Variants in DONSON observed in about 807,000 individuals in gnomAD.
DONSON encodes the protein DNA replication fork stabilization factor DONSON.
In DONSON, 43 loss-of-function variants were observed where a neutral mutation model predicts 62.1. The ratio of observed to expected loss-of-function variants is 0.69; its 90% CI spans 0.54 to 0.89. The LOEUF (loss-of-function observed/expected upper bound fraction) is 0.89, where lower values mean the gene tolerates loss of function less well. Among genes scored for constraint, DONSON ranks in the 40% least tolerant of loss-of-function variants. The pLI is 0.00. For synonymous variants in DONSON, 266 were observed against 264.6 expected (o/e 1.01, Z -0.05); for missense variants, 696 against 697.5 (o/e 1.00, Z 0.03).
chr21:33,582,608 A>G (rs2086526171), intron 5 of DONSON, among the ~76,000 whole-genome samples: 1 of 152,186 alleles, frequency 6.6e-6, no homozygotes, highest in African/African-American at 2.4e-5. Flanking sequence ...AATTTCTAGA[A>G]GAGTATATTC....
rs1569072538 is a variant in DONSON at position 33,577,601 on chromosome 21, CCCTACACACACACACACACA to C, written c.*686_*705del. Reference sequence around the variant, plus strand: ...TAAAAATGTGAATTATACAGTCCCCCCCTACACACACACACACACACACACACACACACACACACACACAC... The same window carrying C: ...TAAAAATGTGAATTATACAGTCCCCCCACACACACACACACACACACACAC... On this transcript the variant is annotated 3_prime_UTR_variant, in exon 10 of 10. Coordinates refer to ENST00000303071, the MANE Select transcript of DONSON (RefSeq NM_017613.4). 2 of 111,750 alleles carry C rather than the reference CCCTACACACACACACACACA, an allele frequency of 1.8e-5. No homozygotes were observed. Among genetic ancestry groups the C allele is most frequent in the African/African-American group, 6.8e-5 (2 of 29,310 alleles). 6.9% of individuals were successfully genotyped at this position (111,750 alleles called of 1,614,324 possible). A position where few individuals can be genotyped will look rare whatever the true frequency, so the allele number is the denominator to read the frequency against.
Position 33,584,764 on chromosome 21 carries a change from G to A in DONSON, c.611C>T (p.Pro204Leu). 1 of 1,523,240 alleles carries A rather than the reference G, an allele frequency of 6.6e-7. No individual in the cohort carries two copies. Among genetic ancestry groups the A allele is most frequent in the Non-Finnish European group, 8.9e-7 (1 of 1,129,058 alleles). 94.4% of individuals were successfully genotyped at this position (1,523,240 alleles called of 1,614,324 possible). ...EVTLPKSIQD[P>L]KLSSELRCTF... is the part of the protein sequence containing the mutation. ...ACAACGGAGCTCAGAGGAGAGTTTG[G>A]GATCCTAAAATCCAAAGGTGACAGT... Residue 204 changes from proline (P) to leucine (L), a missense_variant, in exon 4 of 10, where the codon CCC becomes CTC. Transcript: ENST00000303071.
Position 33,588,593 on chromosome 21 carries a change from C to G in DONSON, c.49G>C (p.Glu17Gln), listed in dbSNP as rs964516394. ...GYSPGFRKPP[E>Q]VVRLRRKRAR... Reference sequence around the variant, plus strand: ...CTTTTCCGTCGGAGCCGCACTACCTCGGGCGGCTTTCGGAAGCCCGGTGAG... The same window carrying G: ...CTTTTCCGTCGGAGCCGCACTACCTGGGGCGGCTTTCGGAAGCCCGGTGAG... Residue 17 changes from glutamate (E) to glutamine (Q), a missense_variant, in exon 1 of 10, where the codon GAG becomes CAG. Physicochemically the swap from Glu to Gln is conservative, Grantham distance 29. Transcript: ENST00000303071. 2 of 1,251,476 alleles carry G rather than the reference C, an allele frequency of 1.6e-6. No homozygotes were observed. The highest frequency in any genetic ancestry group is 1.6e-5 in the African/African-American group (1 of 64,284). The allele number at this position is 1,251,476 out of a possible 1,614,324, so 77.5% of individuals were successfully genotyped here. A position where few individuals can be genotyped will look rare whatever the true frequency, so the allele number is the denominator to read the frequency against.
rs777151815 is a variant in DONSON at position 33,584,570 on chromosome 21, G to A, written c.785+20C>T. 1.3e-5 allele frequency: 21 copies of A among 1,562,766 alleles called. No homozygotes were observed. In the African/African-American group the frequency reaches 2.0e-4, roughly 15 times the overall value. ...TAAAATTCACTATTGAATTATACAA[G>A]TTTCTCTTACTAATCTTACCAGTCA... is the stretch of plus-strand genomic sequence containing the variant. On this transcript the variant is annotated intron_variant, in intron 4 of 9. Transcript: ENST00000303071.
intron 1 of DONSON, 27 bp downstream of exon 1, chr21:33,588,294 T>C (rs2086604865): frequency 8.0e-7 from 1 of 1,251,010 alleles, no homozygotes; most frequent in Middle Eastern, 2.5e-4. Context: ...CAAGAGCCCC[T>C]TGGCGGCCAG....
At chr21:33,583,729 GAAT>G (rs1390686457) in intron 4 of DONSON, 63 bp from the exon 5 acceptor site, 2 of 1,266,136 alleles carry the variant, frequency 1.6e-6, no homozygotes, top group Non-Finnish European at 1.1e-6. Context: ...TTATAATTCT[GAAT>G]AATTCAGTTT....
chr21:33,586,799 T>C (rs2086582138), intron 2 of DONSON, among the ~76,000 whole-genome samples: 1 of 152,102 alleles, frequency 6.6e-6, no homozygotes, highest in Non-Finnish European at 1.5e-5. Context: ...CACGCCTGGC[T>C]AATTTTTTTG....
rs555750312 is a variant in DONSON, at chr21:33,586,131, A to G, written c.453T>C (p.Thr151=). The G allele has an allele frequency of 8.7e-6, 14 of 1,613,996 alleles. No homozygotes were observed. The highest frequency in any genetic ancestry group is 1.1e-5 in the Non-Finnish European group (13 of 1,179,852). Residue 151 remains threonine (T), a synonymous_variant, in exon 3 of 10, where the codon ACT becomes ACC. Coordinates refer to ENST00000303071, the MANE Select transcript of DONSON (RefSeq NM_017613.4). ...SEPDIPSSKS[T]ELPVDWSIKT... Reference sequence around the variant, plus strand: ...TAATACTCCAGTCCACAGGTAACTCAGTACTTTTTGAGGACGGAATATCAG... The same window carrying G: ...TAATACTCCAGTCCACAGGTAACTCGGTACTTTTTGAGGACGGAATATCAG...
Position 33,578,241 on chromosome 21 carries a change from G to GA in DONSON, c.*65dup, listed in dbSNP as rs1474802743. ...TTTCAGTATATTCCTTCAACTTCAA[G>GA]AATCTTGAATTTCCTTGCTAGAAGG... On this transcript the variant is annotated 3_prime_UTR_variant, in exon 10 of 10. Transcript: ENST00000303071. The GA allele has an allele frequency of 1.3e-5, 20 of 1,535,844 alleles. No individual in the cohort carries two copies. The highest frequency in any genetic ancestry group is 1.6e-5 in the Non-Finnish European group (18 of 1,130,388).
rs528350814 is a variant in DONSON at position 33,580,513 on chromosome 21, T to C, written c.1350+789A>G. 7.1e-5 allele frequency among the ~76,000 whole-genome samples: 7 copies of C among 99,006 alleles called. No individual in the cohort carries two copies. In the Admixed American group the frequency reaches 8.5e-4, roughly 12 times the overall value. The allele number at this position is 99,006 out of a possible 152,430, so 65.0% of individuals were successfully genotyped here. ...AAAAAAAAAAAAAAAAAGCAGGGCA[T>C]GGCAGTCCTGTGGTCCGATACTCGA... On this transcript the variant is annotated intron_variant, in intron 8 of 9. Transcript: ENST00000303071.
At chr21:33,584,079 C>T (rs1219548800) in intron 4 of DONSON, among the ~76,000 whole-genome samples, 1 of 141,938 alleles carries the variant, frequency 7.0e-6, no homozygotes, top group African/African-American at 2.6e-5. Context: ...GAGTTTCGCT[C>T]TGTCGCCCAG....
intron 5 of DONSON, among the ~76,000 whole-genome samples, chr21:33,583,243 G>T (rs2145904044): frequency 8.9e-6 from 1 of 112,348 alleles, no homozygotes; most frequent in East Asian, 2.7e-4. Context: ...CATCTGATGT[G>T]TAACAGTTTC....
intron 2 of DONSON, chr21:33,587,298 CGCTG>C (rs1417849807): frequency 1.1e-6 from 1 of 933,348 alleles, no homozygotes; most frequent in Non-Finnish European, 1.3e-6. Flanking sequence ...CCTATTTTAG[CGCTG>C]GCTATCTTTA....
intron 4 of DONSON, 122 bp downstream of exon 4, chr21:33,584,468 T>TA: frequency 2.1e-6 from 2 of 972,708 alleles, no homozygotes; most frequent in Non-Finnish European, 2.9e-6. Context: ...TAGGTTCAGA[T>TA]AAAATTCACA....
In DONSON at chr21:33,581,390, A is replaced by C; in HGVS notation, c.1262T>G (p.Leu421Ter). ...TGCCTGTGGACCTGAGGTAGCAACT[A>C]AACTCTTAGAGTTAATCAAAAAATT... ...LLNFLINSKSLVATSGPQAGL... is the reference protein window; with the variant it reads ...LLNFLINSKS The change falls in exon 8 of 10, where the codon TTA becomes TGA. Residue 421 changes from leucine (L) to a stop codon, truncating the protein, a stop_gained. Coordinates refer to ENST00000303071, the MANE Select transcript of DONSON (RefSeq NM_017613.4). LOFTEE classifies it high-confidence loss of function. 1 of 1,614,200 alleles carries C rather than the reference A, an allele frequency of 6.2e-7. No homozygotes were observed.
chr21:33,587,647 G>A, intron 1 of DONSON, 45 bp from the exon 2 acceptor site: 2 of 1,402,336 alleles, frequency 1.4e-6, no homozygotes, highest in East Asian at 2.3e-5. Flanking sequence ...GGATGCTGAA[G>A]TTTGCGTTAA....
intron 4 of DONSON, among the ~76,000 whole-genome samples, chr21:33,584,049 T>C (rs1215862612): frequency 7.3e-6 from 1 of 137,352 alleles, no homozygotes; most frequent in East Asian, 2.0e-4. Context: ...TATATATACT[T>C]TTTTTTTTTT....
chr21:33,584,495 TC>T, intron 4 of DONSON, 94 bp downstream of exon 4: 1 of 1,199,566 alleles, frequency 8.3e-7, no homozygotes, highest in Non-Finnish European at 1.1e-6. Flanking sequence ...TAGATACCCT[TC>T]TGCCATTAAC....
intron 5 of DONSON, among the ~76,000 whole-genome samples, chr21:33,582,966 C>T (rs559620997): frequency 2.1e-4 from 32 of 152,070 alleles, no homozygotes; most frequent in African/African-American, 7.7e-4. Flanking sequence ...CTTTGGGAGG[C>T]CGAGGCGGGC....
Sources: allele counts gnomAD v4.1 joint callset (sites outside exome capture counted in the v4.1 genomes callset), GRCh38; gene constraint gnomAD v4.1.1; transcripts MANE v1.5; gene names NCBI Gene and HGNC (gene_info 2026-07-23, HGNC 2026-07-21).